Variants in C4orf36 observed in about 807,000 individuals in gnomAD.
The protein encoded by C4orf36 is chromosome 4 open reading frame 36, also known as uncharacterized protein C4orf36.
C4orf36 carries 11 observed loss-of-function variants against 12.2 expected under a neutral mutation model. That is an observed-to-expected ratio of 0.90 (90% confidence interval 0.57 to 1.49). The LOEUF (loss-of-function observed/expected upper bound fraction) is 1.49. Ranked by LOEUF, C4orf36 falls within the 40% of genes most tolerant of loss-of-function variation. The pLI is 0.00. For missense variants in C4orf36, 137 were observed against 133.9 expected (o/e 1.02, Z -0.11); for synonymous variants, 54 against 51.3 (o/e 1.05, Z -0.22).
At chr4:86,902,823 GATC>G in the C4orf36 span, among the ~76,000 whole-genome samples, 11 of 152,144 alleles carry the variant, frequency 7.2e-5, no homozygotes, top group South Asian at 6.2e-4. Context: ...TTATTGTTTT[GATC>G]ATCATCTATT....
the C4orf36 span, chr4:86,914,344 CCTT>C: frequency 6.8e-7 from 1 of 1,472,276 alleles, no homozygotes; most frequent in Non-Finnish European, 9.5e-7. Context: ...CCGTTGTGCT[CCTT>C]GAGTTCATGA....
At chr4:86,933,537 G>A in the C4orf36 span, 14 of 152,020 alleles carry the variant, frequency 9.2e-5, no homozygotes, top group Admixed American at 5.2e-4. Flanking sequence ...AGCCCTATAG[G>A]AGATACTATG....
the C4orf36 span, among the ~76,000 whole-genome samples, chr4:86,900,855 T>C: frequency 6.6e-6 from 1 of 152,202 alleles, no homozygotes; most frequent in Non-Finnish European, 1.5e-5. Flanking sequence ...ACAAGCTATG[T>C]ATCTGATGCT....
intron 4 of C4orf36, among the ~76,000 whole-genome samples, chr4:86,880,104 T>A (rs1268415379): frequency 6.6e-6 from 1 of 152,288 alleles, no homozygotes; most frequent in African/African-American, 2.4e-5. Flanking sequence ...TCCTCCCACC[T>A]TGGCCTCCCA....
chr4:86,919,238 A>G, the C4orf36 span, among the ~76,000 whole-genome samples: 8 of 149,614 alleles, frequency 5.3e-5, no homozygotes, highest in Non-Finnish European at 1.2e-4. Flanking sequence ...TCTCTCTTGA[A>G]CTCTTGAACA....
the C4orf36 span, among the ~76,000 whole-genome samples, chr4:86,902,444 A>T: frequency 6.1e-5 from 8 of 130,266 alleles, no homozygotes; most frequent in Non-Finnish European, 1.6e-5. Context: ...AAAAAAAAAG[A>T]AAGAAAGAAA....
chr4:86,925,875 CTTTTTTTT>C, the C4orf36 span: 4 of 126,536 alleles, frequency 3.2e-5, no homozygotes, highest in Non-Finnish European at 6.8e-5. Flanking sequence ...TTTTTTTTTC[CTTTTTTTT>C]TTTTTTTTTC....
At chr4:86,931,918 C>T in the C4orf36 span, among the ~76,000 whole-genome samples, 1 of 151,914 alleles carries the variant, frequency 6.6e-6, no homozygotes, top group South Asian at 2.1e-4. Flanking sequence ...GCCTGTAGTC[C>T]CAGCTACTCA....
chr4:86,936,085 C>T, the C4orf36 span: 1 of 152,208 alleles, frequency 6.6e-6, no homozygotes, highest in Non-Finnish European at 1.5e-5. Context: ...TTCTCCACCA[C>T]CAGCACCCGC....
chr4:86,934,737 G>A, the C4orf36 span: 1 of 152,290 alleles, frequency 6.6e-6, no homozygotes, highest in Admixed American at 6.5e-5. Flanking sequence ...TAAAGTGAAA[G>A]GGTTCTTGCG....
the C4orf36 span, among the ~76,000 whole-genome samples, chr4:86,899,981 C>A: frequency 0.16 from 23,851 of 151,644 alleles, 2,202 homozygotes; most frequent in Middle Eastern, 0.21. Context: ...TAGTAAGTTT[C>A]ATTAAAAACT....
rs770152107 is a variant in C4orf36, at chr4:86,891,545, G to A, written c.-25C>T. ...TGGTGAGTTATTACGGTATGATTTC[G>A]TTACATAGGTGCCTGATGGAATGTC... On this transcript the variant is annotated 5_prime_UTR_variant, in exon 2 of 5. It adds an upstream start codon to the 5' untranslated region. Transcript: ENST00000295898. 3.7e-6 allele frequency: 6 copies of A among 1,613,660 alleles called. No homozygotes were observed. The highest frequency in any genetic ancestry group is 1.3e-5 in the African/African-American group (1 of 74,948).
chr4:86,905,487 A>G, the C4orf36 span, among the ~76,000 whole-genome samples: 1 of 152,184 alleles, frequency 6.6e-6, no homozygotes, highest in Non-Finnish European at 1.5e-5. Flanking sequence ...CCAGAGATTA[A>G]GGCTGCAGAG....
chr4:86,915,764 G>A, the C4orf36 span, among the ~76,000 whole-genome samples: 1 of 152,166 alleles, frequency 6.6e-6, no homozygotes, highest in Non-Finnish European at 1.5e-5. Context: ...TCCAGCCTGG[G>A]CAACAAGACT....
At chr4:86,921,515 T>G in the C4orf36 span, among the ~76,000 whole-genome samples, 1 of 152,208 alleles carries the variant, frequency 6.6e-6, no homozygotes, top group East Asian at 1.9e-4. Flanking sequence ...CCATTTTCTT[T>G]TTTCCCCCAT....
chr4:86,882,886 G>A (rs1304174783), intron 4 of C4orf36, among the ~76,000 whole-genome samples: 1 of 152,118 alleles, frequency 6.6e-6, no homozygotes, highest in Non-Finnish European at 1.5e-5. Context: ...GCCCTGGGAG[G>A]CCTAAAACCC....
At chr4:86,888,002 G>A in intron 3 of C4orf36, 109 bp from the exon 4 acceptor site, 1 of 1,544,274 alleles carries the variant, frequency 6.5e-7, no homozygotes, top group Non-Finnish European at 8.8e-7. Context: ...TAATAAACAA[G>A]ATGACAGAGC....
At chr4:86,883,954 A>G (rs1008584641) in intron 4 of C4orf36, among the ~76,000 whole-genome samples, 1 of 152,002 alleles carries the variant, frequency 6.6e-6, no homozygotes, top group African/African-American at 2.4e-5. Flanking sequence ...GCTTGAACCC[A>G]GGAGGCAGAG....
chr4:86,884,354 G>A (rs1747121519), intron 4 of C4orf36, among the ~76,000 whole-genome samples: 1 of 148,712 alleles, frequency 6.7e-6, no homozygotes, highest in Non-Finnish European at 1.5e-5. Flanking sequence ...GCCTTGGCTG[G>A]AGTGCAGTGG....
Sources: gnomAD v4.1 joint callset for allele counts (sites outside exome capture counted in the v4.1 genomes callset) on GRCh38, gnomAD v4.1.1 for gene constraint, MANE v1.5 for transcripts, NCBI Gene and HGNC (gene_info 2026-07-23, HGNC 2026-07-21) for gene names.